ZFHX3: variants seen among roughly 807,000 people sequenced by gnomAD.
ZFHX3 encodes zinc finger homeobox protein 3.
In ZFHX3, 42 loss-of-function variants were observed where a neutral mutation model predicts 279.1. The ratio of observed to expected loss-of-function variants is 0.15; its 90% CI spans 0.12 to 0.19. The LOEUF is 0.19. ZFHX3 is among the 10% of genes least tolerant of loss of function. The pLI is 1.00. For synonymous variants in ZFHX3, 2,293 were observed against 1,957.8 expected (o/e 1.17, Z -4.52); for missense variants, 4,981 against 4,754.0 (o/e 1.05, Z -1.40).
intron 2 of ZFHX3, among the ~76,000 whole-genome samples, chr16:73,592,748 T>C (rs201566692): frequency 6.8e-6 from 1 of 146,376 alleles, no homozygotes; most frequent in Non-Finnish European, 1.5e-5. Context: ...AAGGTTTTTT[T>C]AAATAGAGAC....
At chr16:73,580,941 G>A (rs1275882359) in intron 2 of ZFHX3, among the ~76,000 whole-genome samples, 2 of 151,692 alleles carry the variant, frequency 1.3e-5, no homozygotes, top group African/African-American at 2.4e-5. Context: ...CTTGCCACAG[G>A]CTGAACCCAG....
chr16:73,886,219 C>T (rs1001400483), intron 1 of ZFHX3, among the ~76,000 whole-genome samples: 4 of 151,834 alleles, frequency 2.6e-5, no homozygotes, highest in African/African-American at 9.7e-5. Context: ...AAATAAAATG[C>T]ATTTCTAAAG....
At chr16:73,185,878 T>G (rs4539625) in intron 5 of ZFHX3, among the ~76,000 whole-genome samples, 42,201 of 151,980 alleles carry the variant, frequency 0.28, 6,054 homozygotes, top group Admixed American at 0.35. Context: ...AGGTAAGTGG[T>G]GCGCACGCAA....
intron 1 of ZFHX3, among the ~76,000 whole-genome samples, chr16:73,842,986 G>A (rs1420688041): frequency 6.6e-6 from 1 of 152,178 alleles, no homozygotes; most frequent in Admixed American, 6.5e-5. Context: ...GTTCAACCTG[G>A]ACAAGTTTTC....
intron 2 of ZFHX3, among the ~76,000 whole-genome samples, chr16:72,952,773 T>C (rs965790569): frequency 1.3e-5 from 2 of 152,334 alleles, no homozygotes; most frequent in South Asian, 2.1e-4. Context: ...GGTAAATTAA[T>C]ACTGCAAGGG....
At chr16:72,952,927 C>A (rs1055760050) in intron 2 of ZFHX3, among the ~76,000 whole-genome samples, 5 of 152,174 alleles carry the variant, frequency 3.3e-5, no homozygotes, top group Non-Finnish European at 7.3e-5. Context: ...GTCTGCCCCA[C>A]CCCCCAAGTG....
At chr16:73,784,808 T>TACACACACACACAC (rs1344909710) in intron 1 of ZFHX3, among the ~76,000 whole-genome samples, 14 of 135,700 alleles carry the variant, frequency 1.0e-4, no homozygotes, top group African/African-American at 3.7e-4. Context: ...TATATATATA[T>TACACACACACACAC]ATATATATAC....
At chr16:73,337,130 T>A (rs895033197) in intron 3 of ZFHX3, among the ~76,000 whole-genome samples, 2 of 152,208 alleles carry the variant, frequency 1.3e-5, no homozygotes, top group Non-Finnish European at 2.9e-5. Context: ...TATTTCCATT[T>A]ACCTGTTAGT....
intron 3 of ZFHX3, among the ~76,000 whole-genome samples, chr16:73,412,024 T>C (rs1031213631): frequency 6.6e-6 from 1 of 152,184 alleles, no homozygotes; most frequent in Non-Finnish European, 1.5e-5. Flanking sequence ...TTCCAAAGAC[T>C]TTCCAATAAA....
At chr16:73,443,903 T>C (rs1046495222) in intron 3 of ZFHX3, among the ~76,000 whole-genome samples, 8 of 152,068 alleles carry the variant, frequency 5.3e-5, no homozygotes, top group African/African-American at 1.7e-4. Flanking sequence ...TACAGGTGTG[T>C]GCCACCATGC....
chr16:73,720,070 T>C (rs1384276101), intron 1 of ZFHX3, among the ~76,000 whole-genome samples: 2 of 152,152 alleles, frequency 1.3e-5, no homozygotes, highest in South Asian at 2.1e-4. Context: ...AAAGGAGAAA[T>C]ATAATGGACC....
At chr16:73,567,642 T>G (rs2020469778) in intron 2 of ZFHX3, among the ~76,000 whole-genome samples, 1 of 152,330 alleles carries the variant, frequency 6.6e-6, no homozygotes, top group East Asian at 1.9e-4. Flanking sequence ...GAGAATATCC[T>G]TTTGAGTTGG....
At chr16:72,874,009 C>A (rs915768572) in intron 4 of ZFHX3, among the ~76,000 whole-genome samples, 30 of 152,200 alleles carry the variant, frequency 2.0e-4, no homozygotes, top group Non-Finnish European at 2.4e-4. Context: ...AGCACAATAC[C>A]CTCAGCCAAA....
intron 8 of ZFHX3, chr16:73,092,344 C>G (rs1457138003): frequency 6.6e-6 from 1 of 152,344 alleles, no homozygotes; most frequent in Non-Finnish European, 1.5e-5. Context: ...AACAATATCC[C>G]ATTTAAGTTT....
rs760558286 is a variant in ZFHX3, at chr16:72,959,124, T to C, written c.1022A>G (p.Glu341Gly). The C allele has an allele frequency of 1.9e-6, 3 of 1,614,110 alleles. No homozygotes were observed. The highest frequency in any genetic ancestry group is 2.5e-6 in the Non-Finnish European group (3 of 1,180,046). ...KDKEPLVSFL[E>G]PKNKNFQHPL... Reference sequence around the variant, plus strand: ...GTGTTGAAAGTTTTTGTTTTTTGGTTCCAGAAAACTTACAAGGGGTTCCTT... The same window carrying C: ...GTGTTGAAAGTTTTTGTTTTTTGGTCCCAGAAAACTTACAAGGGGTTCCTT... The change falls in exon 2 of 10, where the codon GAA (glutamate) becomes GGA (glycine). Residue 341 changes from glutamate to glycine, a missense_variant. Glu to Gly is a moderately conservative substitution (Grantham distance 98, BLOSUM62 -2). Coordinates refer to ENST00000268489, the MANE Select transcript of ZFHX3 (RefSeq NM_006885.4).
intron 2 of ZFHX3, among the ~76,000 whole-genome samples, chr16:73,591,785 G>A (rs1385803510): frequency 6.7e-6 from 1 of 148,178 alleles, no homozygotes; most frequent in East Asian, 2.0e-4. Flanking sequence ...ATCTATCAAT[G>A]AATGTAATGG....
rs145563294 is a variant in ZFHX3 at position 72,794,671 on chromosome 16, A to G, written c.8011T>C (p.Leu2671=). The part of the protein sequence containing the change: ...LLDSNPTRKM[L]DHIAHEVGLK... ...CCCACCTCGTGTGCAATGTGATCCAACATCTTTCGAGTCGGATTGGAATCC... is the reference window on the plus strand; with the variant it reads ...CCCACCTCGTGTGCAATGTGATCCAGCATCTTTCGAGTCGGATTGGAATCC... Residue 2671 remains leucine (L), a synonymous_variant, in exon 9 of 10, where the codon TTG becomes CTG. Coordinates refer to ENST00000268489, the MANE Select transcript of ZFHX3 (RefSeq NM_006885.4). This position sits in a 1 kb window ranked among gnomAD's most constrained non-coding sequence, Gnocchi z 4.2. 1.2e-6 allele frequency: 2 copies of G among 1,614,220 alleles called. No homozygotes were observed. The highest frequency in any genetic ancestry group is 1.3e-5 in the African/African-American group (1 of 75,066).
intron 1 of ZFHX3, among the ~76,000 whole-genome samples, chr16:73,039,993 C>T (rs1390693606): frequency 3.3e-5 from 5 of 152,324 alleles, no homozygotes; most frequent in Middle Eastern, 3.4e-3. Context: ...ATCGCTTTGT[C>T]GCCAGACTGG....
chr16:73,065,228 C>T (rs1052691144), intron 8 of ZFHX3, among the ~76,000 whole-genome samples: 37 of 152,216 alleles, frequency 2.4e-4, no homozygotes, highest in Non-Finnish European at 7.3e-5. Flanking sequence ...ACGGTGCCCA[C>T]GGTGGCACGT....
Sources: gnomAD v4.1 joint callset for allele counts (sites outside exome capture counted in the v4.1 genomes callset) on GRCh38, gnomAD v4.1.1 for gene constraint, Gnocchi (gnomAD v3.1) non-coding constraint, MANE v1.5 for transcripts, NCBI Gene and HGNC (gene_info 2026-07-23, HGNC 2026-07-21) for gene names.